The following YARS2 variants were observed in gnomAD, a reference collection of about 807,000 sequenced individuals.
The protein encoded by YARS2 is tyrosine--tRNA ligase, mitochondrial.
A neutral mutation model predicts 45.0 loss-of-function variants in YARS2; 38 were observed. That is an observed-to-expected ratio of 0.84 (90% CI 0.65 to 1.11). The LOEUF is 1.11. YARS2 is among the 50% of genes least tolerant of loss of function. YARS2 has a pLI of 0.00. For missense variants in YARS2, 602 were observed against 599.8 expected (o/e 1.00, Z -0.04); for synonymous variants, 287 against 245.1 (o/e 1.17, Z -1.60).
intron 3 of YARS2, among the ~76,000 whole-genome samples, 194 bp downstream of exon 3, chr12:32,750,521 CATCT>C (rs1471119694): frequency 6.6e-6 from 1 of 152,188 alleles, no homozygotes; most frequent in East Asian, 1.9e-4. Context: ...GTTTTTTAAA[CATCT>C]ATCTGGTATA....
At position 32,747,070 on chromosome 12, in the gene YARS2, A is replaced by T; in HGVS notation, c.*134T>A. On this transcript the variant is annotated 3_prime_UTR_variant, in exon 5 of 5. Coordinates refer to ENST00000324868, the MANE Select transcript of YARS2 (RefSeq NM_001040436.3). Reference sequence around the variant, plus strand: ...ACCGGCCCATAAAAATAATGAAGTTACTCACACTGAGTCCTAGTCCATTCT... The same window carrying T: ...ACCGGCCCATAAAAATAATGAAGTTTCTCACACTGAGTCCTAGTCCATTCT... 2.6e-6 allele frequency: 2 copies of T among 783,088 alleles called. No individual in the cohort carries two copies. The highest frequency in any genetic ancestry group is 4.1e-6 in the Non-Finnish European group (2 of 484,382). The allele number at this position is 783,088 out of a possible 1,614,324, so 48.5% of individuals were successfully genotyped here.
At position 32,746,843 on chromosome 12, in the gene YARS2, A is replaced by G. The variant is rs1955646629; in HGVS notation, c.*361T>C. 5 of 229,326 alleles carry G rather than the reference A, an allele frequency of 2.2e-5. No homozygotes were observed. The highest frequency in any genetic ancestry group is 2.5e-4 in the East Asian group (2 of 8,006). The allele number at this position is 229,326 out of a possible 1,614,324, so 14.2% of individuals were successfully genotyped here. On this transcript the variant is annotated 3_prime_UTR_variant, in exon 5 of 5. Transcript: ENST00000324868. The stretch of plus-strand genomic sequence containing the variant: ...GTGAGCCACCATGCCCAGCCTCACA[A>G]TTCCTTACACTACCTCTTTTTCATT...
In YARS2 at chr12:32,755,515, T is replaced by TC. The variant is rs797045077; in HGVS notation, c.359dup (p.Asp121ArgfsTer29). 1 of 1,612,714 alleles carries TC rather than the reference T, an allele frequency of 6.2e-7. No homozygotes were observed. The highest frequency in any genetic ancestry group is 8.5e-7 in the Non-Finnish European group (1 of 1,179,632). ...GTTCCTTGGTACGGCCGCTCGGGTC[T>TC]CCCAGGCGCGCCGTGGCGCCTCCCA... On this transcript the variant is annotated frameshift_variant, in exon 1 of 5. Coordinates refer to ENST00000324868, the MANE Select transcript of YARS2 (RefSeq NM_001040436.3). LOFTEE classifies it high-confidence loss of function.
At position 32,748,803 on chromosome 12, in the gene YARS2, GAAC is replaced by G. The variant is rs60950446; in HGVS notation, c.1274+1131_1274+1133del. Among the ~76,000 whole-genome samples the G allele has an allele frequency of 5.3e-5, 8 of 152,170 alleles. No individual in the cohort carries two copies. In the East Asian group the frequency reaches 5.8e-4, roughly 11 times the overall value. On this transcript the variant is annotated intron_variant, in intron 4 of 4. Transcript: ENST00000324868. Reference sequence around the variant, plus strand: ...CAAACAATCCAAGACAGTTGAAAGAGAACAACTATAACAAATGTCATTCATAAT... The same window carrying G: ...CAAACAATCCAAGACAGTTGAAAGAGAACTATAACAAATGTCATTCATAAT...
At position 32,755,668 on chromosome 12, in the gene YARS2, C is replaced by T. The variant is rs1263193184; in HGVS notation, c.207G>A (p.Thr69=). The part of the protein sequence containing the change: ...IELPELFDRG[T]ASFPQTIYCG... ...AGTAAATGGTTTGGGGAAAACTCGC[C>T]GTGCCACGGTCGAAGAGCTCTGGGA... The change falls in exon 1 of 5, where the codon ACG becomes ACA. Residue 69 remains threonine (T), a synonymous_variant. Transcript: ENST00000324868. The T allele has an allele frequency of 6.2e-7, 1 of 1,614,140 alleles. No homozygotes were observed. The highest frequency in any genetic ancestry group is 1.1e-5 in the South Asian group (1 of 91,092).
chr12:32,755,200 C>A lies in YARS2; in HGVS notation c.675G>T (p.Gln225His). The A allele has an allele frequency of 6.2e-7, 1 of 1,614,212 alleles. No individual in the cohort carries two copies. Among genetic ancestry groups the A allele is most frequent in the Non-Finnish European group, 8.5e-7 (1 of 1,180,046 alleles). ...SLAEFFYQVL[Q>H]AYDFYYLFQR... ...GGAAGAGGTAATAGAAGTCATAGGC[C>A]TGGAGCACCTGGTAAAAGAACTCGG... The change falls in exon 1 of 5, where the codon CAG (glutamine) becomes CAT (histidine). Residue 225 changes from glutamine to histidine, a missense_variant. Physicochemically the swap from Gln to His is conservative, Grantham distance 24. Coordinates refer to ENST00000324868, the MANE Select transcript of YARS2 (RefSeq NM_001040436.3).
At chr12:32,750,689 T>A in intron 3 of YARS2, 30 bp downstream of exon 3, 1 of 1,611,986 alleles carries the variant, frequency 6.2e-7, no homozygotes, top group Non-Finnish European at 8.5e-7. Context: ...AATAACTAAC[T>A]ATCAAGTGTT....
chr12:32,755,218 G>T lies in YARS2; in HGVS notation c.657C>A (p.Phe219Leu). Residue 219 changes from phenylalanine (F) to leucine (L), a missense_variant, in exon 1 of 5, where the codon TTC (phenylalanine) becomes TTA (leucine). Physicochemically the swap from Phe to Leu is conservative, Grantham distance 22 (BLOSUM62 0). Coordinates refer to ENST00000324868, the MANE Select transcript of YARS2 (RefSeq NM_001040436.3). ...CATAGGCCTGGAGCACCTGGTAAAA[G>T]AACTCGGCCAAGCTCATGCCCTCGG... ...KSPEGMSLAE[F>L]FYQVLQAYDF... The T allele has an allele frequency of 6.2e-7, 1 of 1,614,192 alleles. No homozygotes were observed. Among genetic ancestry groups the T allele is most frequent in the Non-Finnish European group, 8.5e-7 (1 of 1,180,042 alleles).
intron 2 of YARS2, 83 bp downstream of exon 2, chr12:32,753,835 T>G (rs1955793428): frequency 6.4e-7 from 1 of 1,569,084 alleles, no homozygotes. Flanking sequence ...AAAAAAACTA[T>G]AAAATGTACA....
rs1359003834 is a variant in YARS2, at chr12:32,755,763, A to G, written c.112T>C (p.Leu38=). 1.2e-6 allele frequency: 2 copies of G among 1,613,672 alleles called. No homozygotes were observed. Among genetic ancestry groups the G allele is most frequent in the Non-Finnish European group, 1.7e-6 (2 of 1,179,950 alleles). ...LRKAHSGAQG[L]LAAQKARGLF... The stretch of plus-strand genomic sequence containing the variant: ...CCTCGAGCCTTCTGCGCTGCCAGTA[A>G]CCCCTGAGCGCCCGAGTGGGCCTTA... The change falls in exon 1 of 5, where the codon TTA becomes CTA. Residue 38 remains leucine, a synonymous_variant. Transcript: ENST00000324868.
At position 32,754,073 on chromosome 12, in the gene YARS2, T is replaced by A; in HGVS notation, c.792A>T (p.Glu264Asp). Reference sequence around the variant, plus strand: ...GAGGAACGGTGATTCCAAATACATCTTCTCCAGTCAACCTACGCATAAAGA... The same window carrying A: ...GAGGAACGGTGATTCCAAATACATCATCTCCAGTCAACCTACGCATAAAGA... ...GYEFINKLTG[E>D]DVFGITVPLI... The change falls in exon 2 of 5, where the codon GAA becomes GAT. Residue 264 changes from glutamate (E) to aspartate (D), a missense_variant. Glu to Asp is a conservative substitution (Grantham distance 45). Coordinates refer to ENST00000324868, the MANE Select transcript of YARS2 (RefSeq NM_001040436.3). 6.2e-7 allele frequency: 1 copy of A among 1,614,198 alleles called. No homozygotes were observed. The highest frequency in any genetic ancestry group is 2.2e-5 in the East Asian group (1 of 44,884).
intron 2 of YARS2, 51 bp downstream of exon 2, chr12:32,753,867 C>T (rs1955793792): frequency 1.2e-6 from 2 of 1,608,010 alleles, no homozygotes; most frequent in Non-Finnish European, 1.7e-6. Context: ...GCTAAAATTA[C>T]ATCATGAGTT....
rs1021840446 is a variant in YARS2 at position 32,747,035 on chromosome 12, A to G, written c.*169T>C. ...AATAAAACATCCCATTATTAAACAA[A>G]TATTTATTAACCGGCCCATAAAAAT... On this transcript the variant is annotated 3_prime_UTR_variant, in exon 5 of 5. Transcript: ENST00000324868. 3 of 630,544 alleles carry G rather than the reference A, an allele frequency of 4.8e-6. No individual in the cohort carries two copies. Among genetic ancestry groups the G allele is most frequent in the Admixed American group, 3.0e-5 (1 of 32,842 alleles). The allele number at this position is 630,544 out of a possible 1,614,324, so 39.1% of individuals were successfully genotyped here.
At position 32,754,967 on chromosome 12, in the gene YARS2, C is replaced by T. The variant is rs76325735; in HGVS notation, c.779+129G>A. 3,610 of 1,182,728 alleles carry T rather than the reference C, an allele frequency of 3.1e-3. 35 individuals are homozygous for T. Among genetic ancestry groups the T allele is most frequent in the South Asian group, 0.016 (1,335 of 81,176 alleles). The allele number at this position is 1,182,728 out of a possible 1,614,324, so 73.3% of individuals were successfully genotyped here. Reference sequence around the variant, plus strand: ...CAGTGTTATTAACGCCATTATAGAGCCTTAATGGGGATAAAACCAACAAGA... The same window carrying T: ...CAGTGTTATTAACGCCATTATAGAGTCTTAATGGGGATAAAACCAACAAGA... On this transcript the variant is annotated intron_variant, in intron 1 of 4. Transcript: ENST00000324868.
Position 32,755,080 on chromosome 12 carries a change from G to A in YARS2, c.779+16C>T, listed in dbSNP as rs374164709. 3 of 1,613,986 alleles carry A rather than the reference G, an allele frequency of 1.9e-6. No homozygotes were observed. The African/African-American group carries it at 4.0e-5, about 22-fold the overall frequency. On this transcript the variant is annotated intron_variant, in intron 1 of 4. Coordinates refer to ENST00000324868, the MANE Select transcript of YARS2 (RefSeq NM_001040436.3). ...TATTTGGTCCCAGGATTTCCCCAAG[G>A]TTTAAAGGCACTTACTTGTTGATGA...
chr12:32,755,639 C>A lies in YARS2; in HGVS notation c.236G>T (p.Gly79Val), dbSNP rs863224271. The part of the protein sequence containing the change: ...TASFPQTIYC[G>V]FDPTADSLHV... ...AAGCGAGTCTGCCGTGGGGTCGAAG[C>A]CACAGTAAATGGTTTGGGGAAAACT... The change falls in exon 1 of 5, where the codon GGC becomes GTC. Residue 79 changes from glycine (G) to valine (V), a missense_variant. By Grantham distance (109) the Gly-to-Val change is moderately radical. Coordinates refer to ENST00000324868, the MANE Select transcript of YARS2 (RefSeq NM_001040436.3). 6.2e-7 allele frequency: 1 copy of A among 1,614,220 alleles called. No individual in the cohort carries two copies. Among genetic ancestry groups the A allele is most frequent in the Non-Finnish European group, 8.5e-7 (1 of 1,180,040 alleles).
rs1368107948 is a variant in YARS2 at position 32,750,085 on chromosome 12, T to C, written c.1126A>G (p.Ser376Gly). Residue 376 changes from serine (S) to glycine (G), a missense_variant, in exon 4 of 5, where the codon AGT (serine) becomes GGT (glycine). Ser to Gly is a moderately conservative substitution (Grantham distance 56, BLOSUM62 0). Transcript: ENST00000324868. ...ATGACCTCCAGTGCATCTATGCTAC[T>C]GTGATAAAGGGCTTGTGTACACCTG... ...AKRCTQALYH[S>G]SIDALEVMSD... 6.2e-7 allele frequency: 1 copy of C among 1,614,136 alleles called. No homozygotes were observed. The highest frequency in any genetic ancestry group is 2.2e-5 in the East Asian group (1 of 44,878).
chr12:32,750,645 A>C (rs1955725510), intron 3 of YARS2, 74 bp downstream of exon 3: 3 of 1,589,902 alleles, frequency 1.9e-6, no homozygotes, highest in Non-Finnish European at 2.6e-6. Flanking sequence ...ATAATCCTAA[A>C]ACATACTCCT....
intron 3 of YARS2, among the ~76,000 whole-genome samples, 184 bp from the exon 4 acceptor site, chr12:32,750,291 T>G (rs926390927): frequency 6.6e-6 from 1 of 152,148 alleles, no homozygotes; most frequent in African/African-American, 2.4e-5. Flanking sequence ...AACCTCTGCC[T>G]CCCGGGTTCA....
Sources: allele counts gnomAD v4.1 joint callset (sites outside exome capture counted in the v4.1 genomes callset), GRCh38; gene constraint gnomAD v4.1.1; transcripts MANE v1.5; gene names NCBI Gene and HGNC (gene_info 2026-07-23, HGNC 2026-07-21).